The following DEFB125 variants were observed in gnomAD, a reference collection of about 807,000 sequenced individuals.
DEFB125 encodes the protein defensin beta 125.
Under a neutral mutation model 11.8 loss-of-function variants are expected in DEFB125, and 11 were observed. The observed-to-expected ratio is 0.94, with a 90% CI of 0.59 to 1.55. The LOEUF (loss-of-function observed/expected upper bound fraction) is 1.55. Among genes scored for constraint, DEFB125 ranks in the 40% most tolerant of loss-of-function variants. DEFB125 has a pLI of 0.00. For missense variants in DEFB125, 198 were observed against 191.2 expected (o/e 1.04, Z -0.21); for synonymous variants, 79 against 66.7 (o/e 1.18, Z -0.90).
intron 1 of DEFB125, among the ~76,000 whole-genome samples, chr20:92,361 C>T (rs2054499245): frequency 6.6e-6 from 1 of 151,722 alleles, no homozygotes; most frequent in East Asian, 1.9e-4. Flanking sequence ...GCTTGGAAAT[C>T]CTACTGCATT....
chr20:90,203 A>G (rs1444307740), intron 1 of DEFB125, among the ~76,000 whole-genome samples: 1 of 152,184 alleles, frequency 6.6e-6, no homozygotes, highest in Non-Finnish European at 1.5e-5. Context: ...GATACTGGTG[A>G]TGAAGATCAC....
At chr20:88,108 T>G (rs6086616) in intron 1 of DEFB125, among the ~76,000 whole-genome samples, 3 of 152,098 alleles carry the variant, frequency 2.0e-5, no homozygotes, top group African/African-American at 7.2e-5. Context: ...ATTTCATTGT[T>G]GTGTCCTATT....
intron 1 of DEFB125, among the ~76,000 whole-genome samples, chr20:90,800 G>C (rs1015754084): frequency 2.0e-5 from 3 of 151,588 alleles, no homozygotes; most frequent in African/African-American, 7.3e-5. Flanking sequence ...TCAACCCATA[G>C]AGCTTTGTTT....
chr20:87,886 A>C, intron 1 of DEFB125, 119 bp downstream of exon 1: 1 of 1,058,374 alleles, frequency 9.4e-7, no homozygotes. Flanking sequence ...AACAAAGAGC[A>C]GCAGAATGCT....
intron 1 of DEFB125, among the ~76,000 whole-genome samples, chr20:95,104 T>A (rs1368613834): frequency 3.3e-5 from 5 of 152,190 alleles, no homozygotes; most frequent in Admixed American, 6.5e-5. Flanking sequence ...TGATTTTTTT[T>A]AAGGAGGAAT....
At chr20:90,828 T>A (rs1269241196) in intron 1 of DEFB125, among the ~76,000 whole-genome samples, 1 of 152,214 alleles carries the variant, frequency 6.6e-6, no homozygotes, top group Non-Finnish European at 1.5e-5. Flanking sequence ...CTGCCTAGAA[T>A]GTACTTGCCT....
At chr20:94,962 G>C (rs960218715) in intron 1 of DEFB125, among the ~76,000 whole-genome samples, 3 of 152,094 alleles carry the variant, frequency 2.0e-5, no homozygotes, top group African/African-American at 7.2e-5. Context: ...CTTCCCTGTG[G>C]GATTGTCCTC....
rs1355031190 is a variant in DEFB125, at chr20:95,997, C to A, written c.59-8C>A. ...TTAAAAATTTGACCTATATTTTATT[C>A]TCTACAGGTAGCTTTGAACCCCAAA... is the stretch of plus-strand genomic sequence containing the variant. On this transcript the variant is annotated splice_polypyrimidine_tract_variant and splice_region_variant and intron_variant, in intron 1 of 1. Transcript: ENST00000382410. The A allele has an allele frequency of 4.5e-6, 7 of 1,570,514 alleles. No homozygotes were observed. The highest frequency in any genetic ancestry group is 5.2e-6 in the Non-Finnish European group (6 of 1,156,750).
Position 96,219 on chromosome 20 carries a change from C to T in DEFB125, c.273C>T (p.Ser91=), listed in dbSNP as rs867765515. The T allele has an allele frequency of 1.9e-6, 3 of 1,614,034 alleles. 1 individual carries two copies. The South Asian group carries it at 3.3e-5, about 18-fold the overall frequency. ...DYSDVDSFTG[S]PVSMLNDLIT... The stretch of plus-strand genomic sequence containing the variant: ...GTGATGTGGACTCTTTTACTGGTTC[C>T]CCAGTATCTATGTTGAATGATCTGA... Residue 91 remains serine (S), a synonymous_variant, in exon 2 of 2, where the codon TCC becomes TCT. Coordinates refer to ENST00000382410, the MANE Select transcript of DEFB125 (RefSeq NM_153325.4).
chr20:96,543 C>A lies in DEFB125; in HGVS notation c.*126C>A. On this transcript the variant is annotated 3_prime_UTR_variant, in exon 2 of 2. Coordinates refer to ENST00000382410, the MANE Select transcript of DEFB125 (RefSeq NM_153325.4). ...GGGATTGGATGACCATGGGGATGGA[C>A]ATAATTGCTACTACCAACACAACAG... 8.5e-7 allele frequency: 1 copy of A among 1,180,338 alleles called. No homozygotes were observed. Among genetic ancestry groups the A allele is most frequent in the Non-Finnish European group, 1.2e-6 (1 of 845,024 alleles). The allele number at this position is 1,180,338 out of a possible 1,614,324, so 73.1% of individuals were successfully genotyped here.
chr20:90,317 C>T (rs2054491664), intron 1 of DEFB125, among the ~76,000 whole-genome samples: 1 of 152,140 alleles, frequency 6.6e-6, no homozygotes, highest in Admixed American at 6.5e-5. Context: ...TGCCATCATT[C>T]TACTGCTAAA....
chr20:89,833 G>A (rs926349742), intron 1 of DEFB125, among the ~76,000 whole-genome samples: 5 of 151,368 alleles, frequency 3.3e-5, no homozygotes, highest in African/African-American at 7.3e-5. Flanking sequence ...TCTACAAATT[G>A]TCTATGTCTC....
intron 1 of DEFB125, among the ~76,000 whole-genome samples, 160 bp from the exon 2 acceptor site, chr20:95,845 T>A (rs542586992): frequency 1.6e-4 from 25 of 152,308 alleles, no homozygotes; most frequent in Admixed American, 1.4e-3. Flanking sequence ...AGCACAATTT[T>A]AATATACACT....
In DEFB125 at chr20:96,402, T is replaced by A; in HGVS notation, c.456T>A (p.Ala152=). The A allele has an allele frequency of 1.2e-6, 2 of 1,609,518 alleles. No individual in the cohort carries two copies. Among genetic ancestry groups the A allele is most frequent in the Non-Finnish European group, 1.7e-6 (2 of 1,177,800 alleles). ...CTATGCCACCACCTTCTCAGACAGC[T>A]CTTACTCATAATTAATTAACATTTA... ...SETMPPPSQT[A]LTHN The change falls in exon 2 of 2, where the codon GCT becomes GCA. Residue 152 remains alanine (A), a synonymous_variant. Coordinates refer to ENST00000382410, the MANE Select transcript of DEFB125 (RefSeq NM_153325.4).
chr20:91,504 T>C (rs1037468688), intron 1 of DEFB125, among the ~76,000 whole-genome samples: 2 of 152,202 alleles, frequency 1.3e-5, no homozygotes, highest in African/African-American at 4.8e-5. Context: ...TACTTTTTAT[T>C]ATCTGTCTCC....
At chr20:91,004 C>G (rs925148398) in intron 1 of DEFB125, among the ~76,000 whole-genome samples, 1 of 152,096 alleles carries the variant, frequency 6.6e-6, no homozygotes, top group Non-Finnish European at 1.5e-5. Flanking sequence ...AAATAATGTA[C>G]TTTTTTATTA....
chr20:90,270 T>G (rs1308705925), intron 1 of DEFB125, among the ~76,000 whole-genome samples: 7 of 152,146 alleles, frequency 4.6e-5, no homozygotes, highest in Non-Finnish European at 1.0e-4. Context: ...ATGACTGTTG[T>G]CACTTTAGAA....
chr20:89,948 C>T (rs1244764528), intron 1 of DEFB125, among the ~76,000 whole-genome samples: 1 of 151,966 alleles, frequency 6.6e-6, no homozygotes, highest in Admixed American at 6.6e-5. Flanking sequence ...GCTATTTAGT[C>T]TCTCTGGGCT....
At chr20:92,635 C>A (rs2054500546) in intron 1 of DEFB125, among the ~76,000 whole-genome samples, 1 of 152,066 alleles carries the variant, frequency 6.6e-6, no homozygotes, top group Non-Finnish European at 1.5e-5. Context: ...CTGTGATCCA[C>A]CCTCCTCGGC....
Sources: gnomAD v4.1 joint callset for allele counts (sites outside exome capture counted in the v4.1 genomes callset) on GRCh38, gnomAD v4.1.1 for gene constraint, MANE v1.5 for transcripts, NCBI Gene and HGNC (gene_info 2026-07-23, HGNC 2026-07-21) for gene names.